Variants in MCC observed in about 807,000 individuals in gnomAD.
MCC encodes MCC regulator of Wnt signaling pathway.
Under a neutral mutation model 116.2 loss-of-function variants are expected in MCC, and 90 were observed. That is an observed-to-expected ratio of 0.77 (90% CI 0.65 to 0.92). MCC has a LOEUF of 0.92. MCC is among the 40% of genes least tolerant of loss of function. MCC has a pLI of 0.00. For synonymous variants in MCC, 578 were observed against 510.5 expected, an observed-to-expected ratio of 1.13 and a Z score of -1.78; for missense variants, 1,516 against 1,312.2, an observed-to-expected ratio of 1.16 and a Z score of -2.40.
At chr5:113,443,214 T>A (rs936000463) in intron 1 of MCC, among the ~76,000 whole-genome samples, 2 of 152,188 alleles carry the variant, frequency 1.3e-5, no homozygotes, top group African/African-American at 2.4e-5. Context: ...GTCCTTCACA[T>A]TGCTTGTAAG....
chr5:113,304,060 C>G (rs890877703), intron 3 of MCC, among the ~76,000 whole-genome samples: 1 of 152,096 alleles, frequency 6.6e-6, no homozygotes, highest in African/African-American at 2.4e-5. Context: ...GCTTTTCTTC[C>G]TTTACTATGT....
At chr5:113,140,955 T>C (rs937142063) in intron 5 of MCC, among the ~76,000 whole-genome samples, 2 of 152,134 alleles carry the variant, frequency 1.3e-5, no homozygotes, top group East Asian at 1.9e-4. Flanking sequence ...CTGAGAGAAA[T>C]GTTAAAGCGT....
intron 3 of MCC, among the ~76,000 whole-genome samples, chr5:113,307,995 C>A (rs974367377): frequency 2.0e-5 from 3 of 149,310 alleles, no homozygotes; most frequent in Non-Finnish European, 4.4e-5. Flanking sequence ...TTTCTAAAGA[C>A]AGAGTGTTGC....
At position 113,046,710 on chromosome 5, in the gene MCC, A is replaced by AAAAAAAAAAAAAAAAAAAG; in HGVS notation, c.2655+2382_2655+2383insCTTTTTTTTTTTTTTTTTT. Among the ~76,000 whole-genome samples, 168 of 102,436 alleles carry AAAAAAAAAAAAAAAAAAAG rather than the reference A, an allele frequency of 1.6e-3. 21 individuals carry two copies. The highest frequency in any genetic ancestry group is 2.4e-3 in the Non-Finnish European group (121 of 51,326). The allele number at this position is 102,436 out of a possible 152,430, so 67.2% of individuals were successfully genotyped here. A position where few individuals can be genotyped will look rare whatever the true frequency, so the allele number is the denominator to read the frequency against. ...CAAAAAAAAAAAAAAAAAAAAAAAA[A>AAAAAAAAAAAAAAAAAAAG]AGAGAGAGATTTTGAAGGTGTTTGT... On this transcript the variant is annotated intron_variant, in intron 16 of 18. Coordinates refer to ENST00000408903, the MANE Select transcript of MCC (RefSeq NM_001085377.2).
chr5:113,251,410 C>T (rs754074919), intron 3 of MCC, among the ~76,000 whole-genome samples: 2 of 152,166 alleles, frequency 1.3e-5, no homozygotes, highest in African/African-American at 2.4e-5. Flanking sequence ...CTTTAAGATA[C>T]AGACAGCTTT....
intron 3 of MCC, among the ~76,000 whole-genome samples, chr5:113,322,852 A>G (rs1025241267): frequency 1.3e-5 from 2 of 152,262 alleles, no homozygotes; most frequent in Non-Finnish European, 2.9e-5. Flanking sequence ...AAGATAGCCT[A>G]CAATGATCCC....
chr5:113,038,036 T>C (rs971207841), intron 17 of MCC, among the ~76,000 whole-genome samples: 1 of 152,166 alleles, frequency 6.6e-6, no homozygotes, highest in Non-Finnish European at 1.5e-5. Flanking sequence ...ATTAGGACAC[T>C]ACTCTCTGGG....
intron 1 of MCC, among the ~76,000 whole-genome samples, chr5:113,465,261 T>C (rs1460139093): frequency 3.3e-5 from 5 of 151,568 alleles, no homozygotes; most frequent in Non-Finnish European, 5.9e-5. Flanking sequence ...TGTACACACA[T>C]TAAATTATGT....
chr5:113,306,739 AT>A (rs1199920487), intron 3 of MCC, among the ~76,000 whole-genome samples: 1 of 151,644 alleles, frequency 6.6e-6, no homozygotes, highest in Non-Finnish European at 1.5e-5. Flanking sequence ...CAATTTATCT[AT>A]TTTTTCTTTT....
intron 14 of MCC, among the ~76,000 whole-genome samples, chr5:113,060,329 A>G (rs1165081288): frequency 6.6e-6 from 1 of 151,994 alleles, no homozygotes; most frequent in Non-Finnish European, 1.5e-5. Context: ...TAAATTTTGT[A>G]TTTTTAATAG....
rs531874273 is a variant in MCC at position 113,283,292 on chromosome 5, C to A, written c.627+57227G>T. On this transcript the variant is annotated intron_variant, in intron 3 of 18. Transcript: ENST00000408903. ...AGAAGAGGACTAAGGGATTGATAATCCAGAATATGCAAAGAAACTCTGTAA... is the reference window on the plus strand; with the variant it reads ...AGAAGAGGACTAAGGGATTGATAATACAGAATATGCAAAGAAACTCTGTAA... Among the ~76,000 whole-genome samples the A allele has an allele frequency of 3.9e-5, 6 of 152,268 alleles. No individual in the cohort carries two copies. The East Asian group carries it at 1.2e-3, about 29-fold the overall frequency.
intron 1 of MCC, among the ~76,000 whole-genome samples, chr5:113,478,382 C>T (rs990086082): frequency 3.9e-5 from 6 of 152,084 alleles, no homozygotes; most frequent in Non-Finnish European, 8.8e-5. Context: ...TGGTAAGAAA[C>T]GGTTGGATAT....
chr5:113,200,757 T>C (rs140536590), intron 3 of MCC, among the ~76,000 whole-genome samples: 5 of 151,948 alleles, frequency 3.3e-5, no homozygotes, highest in Admixed American at 1.3e-4. Context: ...AAAGAGCAAA[T>C]AGGGGGATTT....
intron 3 of MCC, among the ~76,000 whole-genome samples, chr5:113,218,141 G>T (rs1396652481): frequency 7.2e-6 from 1 of 139,274 alleles, no homozygotes; most frequent in African/African-American, 2.7e-5. Context: ...GAGAGTGGGG[G>T]GGTGGGGGAG....
intron 8 of MCC, among the ~76,000 whole-genome samples, chr5:113,098,271 C>A (rs773504686): frequency 2.0e-5 from 3 of 152,190 alleles, no homozygotes; most frequent in Non-Finnish European, 2.9e-5. Context: ...ACACGACTCT[C>A]TGGGGAGCTC....
intron 14 of MCC, among the ~76,000 whole-genome samples, chr5:113,056,570 T>C (rs910287908): frequency 6.6e-6 from 1 of 152,262 alleles, no homozygotes; most frequent in South Asian, 2.1e-4. Context: ...ATGGGCCTAC[T>C]TGAGGGTACA....
At chr5:113,132,072 T>C (rs1237497847) in intron 5 of MCC, among the ~76,000 whole-genome samples, 1 of 148,948 alleles carries the variant, frequency 6.7e-6, no homozygotes, top group African/African-American at 2.6e-5. Context: ...ATTTATAGTG[T>C]GGGATATAAG....
chr5:113,168,475 T>C (rs971664035), intron 3 of MCC, among the ~76,000 whole-genome samples: 4 of 152,186 alleles, frequency 2.6e-5, no homozygotes, highest in African/African-American at 9.7e-5. Flanking sequence ...AAAACTTGAC[T>C]AAGAAAAGAT....
chr5:113,380,499 CTCATTCATTCAT>C (rs113806132), intron 2 of MCC, among the ~76,000 whole-genome samples: 1 of 151,232 alleles, frequency 6.6e-6, no homozygotes, highest in Non-Finnish European at 1.5e-5. Flanking sequence ...CAGTGCATTG[CTCATTCATTCAT>C]TCATTCATTC....
Sources: allele counts gnomAD v4.1 joint callset (sites outside exome capture counted in the v4.1 genomes callset), GRCh38; gene constraint gnomAD v4.1.1; transcripts MANE v1.5; gene names NCBI Gene and HGNC (gene_info 2026-07-23, HGNC 2026-07-21).